SMOC2: variants seen among roughly 807,000 people sequenced by gnomAD.
SMOC2 encodes the protein SPARC related modular calcium binding 2.
A neutral mutation model predicts 61.4 loss-of-function variants in SMOC2; 39 were observed. That is an observed-to-expected ratio of 0.64 (90% CI 0.49 to 0.83). SMOC2 has a LOEUF of 0.83. Among genes scored for constraint, SMOC2 ranks in the 40% least tolerant of loss-of-function variants. The pLI is 0.00. For missense variants in SMOC2, 556 were observed against 592.9 expected (o/e 0.94, Z 0.65); for synonymous variants, 247 against 239.9 (o/e 1.03, Z -0.27).
chr6:168,634,847 G>T (rs1219512447), intron 9 of SMOC2, among the ~76,000 whole-genome samples: 1 of 152,200 alleles, frequency 6.6e-6, no homozygotes, highest in African/African-American at 2.4e-5. Context: ...TTTAAAAAAT[G>T]TGTGTGGCTT....
intron 7 of SMOC2, among the ~76,000 whole-genome samples, chr6:168,574,471 C>T (rs1227486329): frequency 1.3e-5 from 2 of 152,134 alleles, no homozygotes; most frequent in African/African-American, 4.8e-5. Context: ...TGAACCTTCC[C>T]GCCGGGCCTT....
intron 4 of SMOC2, among the ~76,000 whole-genome samples, chr6:168,538,264 C>T (rs563003782): frequency 4.7e-5 from 1 of 21,060 alleles, no homozygotes; most frequent in Non-Finnish European, 9.0e-5. Context: ...GAATCTGGGG[C>T]AGTGGGGTGA....
At chr6:168,461,117 G>T (rs551876231) in intron 1 of SMOC2, among the ~76,000 whole-genome samples, 10 of 152,332 alleles carry the variant, frequency 6.6e-5, no homozygotes, top group African/African-American at 2.2e-4. Context: ...CATGTGGGTG[G>T]GGAAGCCTCA....
intron 1 of SMOC2, among the ~76,000 whole-genome samples, chr6:168,502,594 T>A (rs145843898): frequency 3.1e-3 from 465 of 152,340 alleles, no homozygotes; most frequent in African/African-American, 0.011. Context: ...GGGTCAGGAA[T>A]GCCGATGGGA....
chr6:168,543,707 G>C, intron 5 of SMOC2, 35 bp downstream of exon 5: 1 of 1,581,648 alleles, frequency 6.3e-7, no homozygotes, highest in South Asian at 1.1e-5. Context: ...ATGACGATAT[G>C]TAACATCTAA....
intron 8 of SMOC2, among the ~76,000 whole-genome samples, chr6:168,602,752 T>C (rs568967063): frequency 6.6e-6 from 1 of 152,192 alleles, no homozygotes; most frequent in South Asian, 2.1e-4. Context: ...ACAAAGATGG[T>C]AGAGGTGGTG....
intron 7 of SMOC2, among the ~76,000 whole-genome samples, chr6:168,564,570 C>T (rs540196441): frequency 1.3e-5 from 2 of 152,190 alleles, no homozygotes; most frequent in South Asian, 4.1e-4. Context: ...ACTTCTAATG[C>T]AGAGTTAGAC....
chr6:168,600,560 C>T (rs1048384211), intron 8 of SMOC2, among the ~76,000 whole-genome samples: 2 of 152,162 alleles, frequency 1.3e-5, no homozygotes, highest in Admixed American at 6.5e-5. Flanking sequence ...AGCGCTGGCT[C>T]TTCTGCCCCA....
rs1785766643 is a variant in SMOC2 at position 168,608,330 on chromosome 6, T to C, written c.907+91T>C. 3.6e-6 allele frequency: 5 copies of C among 1,390,986 alleles called. No individual in the cohort carries two copies. The Admixed American group carries it at 6.2e-5, about 17-fold the overall frequency. 86.2% of individuals were successfully genotyped at this position (1,390,986 alleles called of 1,614,324 possible). On this transcript the variant is annotated intron_variant, in intron 9 of 12. Coordinates refer to ENST00000356284, the MANE Select transcript of SMOC2 (RefSeq NM_001166412.2). ...GAATGAAAAAGACTTTATCTGACTC[T>C]GTTTCCCAGGGGGCCTGTCTGACTC...
chr6:168,452,511 T>C lies in SMOC2; in HGVS notation c.84+11057T>C, dbSNP rs1781487481. On this transcript the variant is annotated intron_variant, in intron 1 of 12. Coordinates refer to ENST00000356284, the MANE Select transcript of SMOC2 (RefSeq NM_001166412.2). The surrounding 1 kb of genome is among the most constrained non-coding windows in gnomAD (Gnocchi z 5.0). ...TAACTTATTTTATTTGCTAAATGAA[T>C]ATTATATTTCAGTGTTCTCCAGTAA... is the stretch of plus-strand genomic sequence containing the variant. 6.6e-6 allele frequency among the ~76,000 whole-genome samples: 1 copy of C among 152,204 alleles called. No homozygotes were observed. The highest frequency in any genetic ancestry group is 1.5e-5 in the Non-Finnish European group (1 of 68,048).
At chr6:168,664,259 C>T (rs1787596065) in intron 12 of SMOC2, 148 bp downstream of exon 12, 2 of 718,332 alleles carry the variant, frequency 2.8e-6, no homozygotes, top group Non-Finnish European at 5.0e-6. Flanking sequence ...TTACTGACTA[C>T]ACCCTATGGG....
At chr6:168,456,458 C>T (rs536829416) in intron 1 of SMOC2, among the ~76,000 whole-genome samples, 30 of 152,296 alleles carry the variant, frequency 2.0e-4, no homozygotes, top group African/African-American at 5.8e-4. Flanking sequence ...CAGTGGGTTC[C>T]GTTCACACCA....
rs556470192 is a variant in SMOC2 at position 168,631,993 on chromosome 6, C to A, written c.908-18688C>A. Among the ~76,000 whole-genome samples, 15 of 152,320 alleles carry A rather than the reference C, an allele frequency of 9.8e-5. No homozygotes were observed. The East Asian group carries it at 2.9e-3, about 29-fold the overall frequency. ...CCGAGCAGACCCTGCATTCCACATG[C>A]AATTCCTAAAGATCCAGGCCTATCA... is the stretch of plus-strand genomic sequence containing the variant. On this transcript the variant is annotated intron_variant, in intron 9 of 12. Transcript: ENST00000356284.
intron 9 of SMOC2, among the ~76,000 whole-genome samples, chr6:168,641,067 G>GA (rs1453678275): frequency 6.6e-6 from 1 of 151,934 alleles, no homozygotes; most frequent in Non-Finnish European, 1.5e-5. Flanking sequence ...TTTTTCAGGA[G>GA]AAAATTCAGG....
At position 168,527,629 on chromosome 6, in the gene SMOC2, TC is replaced by T. The variant is rs1313697912; in HGVS notation, c.367del (p.Gln123SerfsTer35). On this transcript the variant is annotated frameshift_variant and splice_region_variant, in exon 4 of 13. Transcript: ENST00000356284. LOFTEE classifies it high-confidence loss of function. ...TACCCGTCCTGTGCTCTCTCGCAGGTCCAGTGTCACAGCTACACGGGATACT... is the reference window on the plus strand; with the variant it reads ...TACCCGTCCTGTGCTCTCTCGCAGGTCAGTGTCACAGCTACACGGGATACT... The part of the protein sequence containing the change: ...ECNDDGTYSQ[V>X]QCHSYTGYCW... The T allele has an allele frequency of 1.3e-6, 2 of 1,550,060 alleles. No homozygotes were observed. Among genetic ancestry groups the T allele is most frequent in the Non-Finnish European group, 1.7e-6 (2 of 1,146,642 alleles).
At chr6:168,573,538 G>T (rs1784722663) in intron 7 of SMOC2, among the ~76,000 whole-genome samples, 2 of 152,182 alleles carry the variant, frequency 1.3e-5, no homozygotes, top group African/African-American at 4.8e-5. Flanking sequence ...CTGTGTCTGT[G>T]TGTCCAGCCT....
intron 1 of SMOC2, among the ~76,000 whole-genome samples, chr6:168,447,093 G>T (rs1298388519): frequency 6.6e-6 from 1 of 152,110 alleles, no homozygotes; most frequent in Non-Finnish European, 1.5e-5. Flanking sequence ...TTGAGACAGG[G>T]TCTTGCTCTG....
intron 7 of SMOC2, among the ~76,000 whole-genome samples, chr6:168,570,626 T>G (rs1412482206): frequency 1.3e-5 from 2 of 152,178 alleles, no homozygotes; most frequent in South Asian, 2.1e-4. Flanking sequence ...TGGAAGCATC[T>G]ACAATGGGCC....
Position 168,453,554 on chromosome 6 carries a change from C to CT in SMOC2, c.84+12101dup, listed in dbSNP as rs1398094394. Among the ~76,000 whole-genome samples the CT allele has an allele frequency of 6.6e-6, 1 of 151,806 alleles. No individual in the cohort carries two copies. Among genetic ancestry groups the CT allele is most frequent in the Non-Finnish European group, 1.5e-5 (1 of 67,952 alleles). On this transcript the variant is annotated intron_variant, in intron 1 of 12. Transcript: ENST00000356284. This position sits in a 1 kb window ranked among gnomAD's most constrained non-coding sequence, Gnocchi z 4.4. ...TCTCTTTGTCTCTCTCTGTACCTGT[C>CT]TCTCTGATTCTCTCAGTCTCTGCCA...
Sources: gnomAD v4.1 joint callset for allele counts (sites outside exome capture counted in the v4.1 genomes callset) on GRCh38, gnomAD v4.1.1 for gene constraint, Gnocchi (gnomAD v3.1) non-coding constraint, MANE v1.5 for transcripts, NCBI Gene and HGNC (gene_info 2026-07-23, HGNC 2026-07-21) for gene names.